RET: variants seen among roughly 807,000 people sequenced by gnomAD.
The protein encoded by RET is ret proto-oncogene.
RET carries 19 observed loss-of-function variants against 118.3 expected under a neutral mutation model. The ratio of observed to expected loss-of-function variants is 0.16; its 90% confidence interval spans 0.11 to 0.24. The LOEUF (loss-of-function observed/expected upper bound fraction) is 0.24, where lower values mean the gene tolerates loss of function less well. Among genes scored for constraint, RET ranks in the 10% least tolerant of loss-of-function variants. The pLI is 1.00. For missense variants in RET, 1,219 were observed against 1,502.1 expected (o/e 0.81, Z 3.12); for synonymous variants, 597 against 644.1 (o/e 0.93, Z 1.11).
chr10:43,105,000 C>T lies in RET; in HGVS notation c.674C>T (p.Thr225Met), dbSNP rs774670305. The T allele has an allele frequency of 8.2e-6, 13 of 1,589,742 alleles. No individual in the cohort carries two copies. Among genetic ancestry groups the T allele is most frequent in the Admixed American group, 1.7e-5 (1 of 57,938 alleles). The change falls in exon 4 of 20, where the codon ACG becomes ATG. Residue 225 changes from threonine to methionine, a missense_variant. Around this residue, in one of 5 missense-constraint regions of RET, gnomAD observed 850 missense variants for 969.6 expected, o/e 0.88. Coordinates refer to ENST00000355710, the MANE Select transcript of RET (RefSeq NM_020975.6). ...RCAPDSLEVSTRWALDREQRE... is the reference protein window; with the variant it reads ...RCAPDSLEVSMRWALDREQRE... ...GCCCCGGACAGCCTGGAGGTGAGCA[C>T]GCGCTGGGCCCTGGACCGCGAGCAG...
chr10:43,083,241 C>T (rs1564483192), intron 1 of RET, among the ~76,000 whole-genome samples: 1 of 152,206 alleles, frequency 6.6e-6, no homozygotes. Context: ...TGGCAGGTCA[C>T]ATACAGGATG....
intron 6 of RET, 85 bp from the exon 7 acceptor site, chr10:43,111,122 C>T: frequency 6.3e-7 from 1 of 1,592,268 alleles, no homozygotes; most frequent in Non-Finnish European, 8.5e-7. Flanking sequence ...TGTTCCAGGA[C>T]TTAGGCTGTG....
At chr10:43,119,508 G>C (rs1473415280) in intron 13 of RET, 23 bp from the exon 14 acceptor site, 1 of 1,578,946 alleles carries the variant, frequency 6.3e-7, no homozygotes, top group African/African-American at 1.4e-5. Context: ...CGCACGCCCA[G>C]GGCCCCCTCT....
At chr10:43,110,807 G>T (rs902107416) in intron 6 of RET, among the ~76,000 whole-genome samples, 1 of 152,204 alleles carries the variant, frequency 6.6e-6, no homozygotes, top group Non-Finnish European at 1.5e-5. Flanking sequence ...CACTGCTGGG[G>T]CAGCTGGGAG....
intron 15 of RET, among the ~76,000 whole-genome samples, chr10:43,121,460 A>T (rs1278725997): frequency 6.6e-6 from 1 of 152,146 alleles, no homozygotes; most frequent in Non-Finnish European, 1.5e-5. Context: ...AGATGCTAAA[A>T]GCACCCTGCA....
chr10:43,113,102 C>T (rs1210767685), intron 9 of RET, 139 bp downstream of exon 9: 5 of 766,232 alleles, frequency 6.5e-6, no homozygotes, highest in African/African-American at 1.7e-5. Context: ...TTCAGCATCA[C>T]CCTAGCCATG....
At chr10:43,113,101 A>G (rs566977684) in intron 9 of RET, 138 bp downstream of exon 9, 1 of 767,876 alleles carries the variant, frequency 1.3e-6, no homozygotes, top group Non-Finnish European at 2.3e-6. Flanking sequence ...TTTCAGCATC[A>G]CCCTAGCCAT....
intron 2 of RET, 43 bp from the exon 3 acceptor site, chr10:43,102,299 C>A (rs1419081989): frequency 6.2e-7 from 1 of 1,609,928 alleles, no homozygotes; most frequent in South Asian, 1.1e-5. Context: ...GACTGCCTGG[C>A]AGATGTGGCC....
Position 43,114,874 on chromosome 10 carries a change from A to C in RET, c.2136+138A>C. On this transcript the variant is annotated intron_variant, in intron 11 of 19. Coordinates refer to ENST00000355710, the MANE Select transcript of RET (RefSeq NM_020975.6). The surrounding 1 kb of genome is among the most constrained non-coding windows in gnomAD (Gnocchi z 4.6). The stretch of plus-strand genomic sequence containing the variant: ...CAGACGAGGCCTGTGTTCTGCCCCC[A>C]TTTCCATAGGGCGCTGTGTGGGGAC... The C allele has an allele frequency of 1.1e-6, 1 of 927,076 alleles. No individual in the cohort carries two copies. The highest frequency in any genetic ancestry group is 1.6e-6 in the Non-Finnish European group (1 of 631,484). The allele number at this position is 927,076 out of a possible 1,614,324, so 57.4% of individuals were successfully genotyped here.
At chr10:43,082,061 G>C (rs1384017870) in intron 1 of RET, among the ~76,000 whole-genome samples, 1 of 152,194 alleles carries the variant, frequency 6.6e-6, no homozygotes, top group Non-Finnish European at 1.5e-5. Flanking sequence ...GCAGCTGTGT[G>C]ATCATGGGGG....
intron 4 of RET, 130 bp downstream of exon 4, chr10:43,105,323 C>T: frequency 2.2e-6 from 3 of 1,384,046 alleles, no homozygotes; most frequent in Non-Finnish European, 3.0e-6. Context: ...TTGTCCTTCG[C>T]CTCCGTCTGC....
intron 1 of RET, among the ~76,000 whole-genome samples, chr10:43,095,512 C>T (rs11239880): frequency 0.02 from 3,008 of 152,138 alleles, 103 homozygotes; most frequent in African/African-American, 0.068. Flanking sequence ...GGTGTGTGCA[C>T]GCGCACATGT....
chr10:43,124,823 C>A (rs1424080400), intron 17 of RET, 60 bp from the exon 18 acceptor site: 2 of 1,535,878 alleles, frequency 1.3e-6, no homozygotes, highest in African/African-American at 2.7e-5. Flanking sequence ...CTGTGGTGGG[C>A]TGTCCTTCTG....
chr10:43,113,307 C>G (rs898764375), intron 9 of RET, among the ~76,000 whole-genome samples: 4 of 152,216 alleles, frequency 2.6e-5, no homozygotes, highest in Non-Finnish European at 5.9e-5. Context: ...CACCAGGCTC[C>G]AGTTTTGGAG....
chr10:43,123,939 G>A (rs1838275162), intron 17 of RET, 131 bp downstream of exon 17: 1 of 1,386,890 alleles, frequency 7.2e-7, no homozygotes, highest in Non-Finnish European at 1.0e-6. Flanking sequence ...GCAGGGCAGA[G>A]GTTAGAGAGC....
At chr10:43,104,242 T>C (rs1837706325) in intron 3 of RET, among the ~76,000 whole-genome samples, 1 of 151,866 alleles carries the variant, frequency 6.6e-6, no homozygotes, top group Non-Finnish European at 1.5e-5. Context: ...ATCGTGGCTT[T>C]CTCACGTTCT....
intron 7 of RET, 139 bp from the exon 8 acceptor site, chr10:43,111,960 C>A (rs146958674): frequency 8.0e-7 from 1 of 1,247,808 alleles, no homozygotes; most frequent in Non-Finnish European, 1.1e-6. Flanking sequence ...ACTGTCTTTG[C>A]TGCCCTGGGT....
intron 15 of RET, 98 bp from the exon 16 acceptor site, chr10:43,121,848 T>C (rs1838224888): frequency 1.1e-6 from 1 of 882,168 alleles, no homozygotes; most frequent in South Asian, 1.3e-5. Context: ...ACTCCTCTGG[T>C]TACTGAAAGC....
Position 43,128,218 on chromosome 10 carries a change from C to A in RET, c.3294C>A (p.Asn1098Lys), listed in dbSNP as rs1298393691. 1.2e-6 allele frequency: 2 copies of A among 1,614,184 alleles called. No homozygotes were observed. The highest frequency in any genetic ancestry group is 1.7e-6 in the Non-Finnish European group (2 of 1,180,028). The change falls in exon 20 of 20, where the codon AAC (asparagine) becomes AAA (lysine). Residue 1098 changes from asparagine (N) to lysine (K), a missense_variant. By Grantham distance (94) the Asn-to-Lys change is moderately conservative. Transcript: ENST00000355710. The part of the protein sequence containing the change: ...PRYPNDSVYA[N>K]WMLSPSAAKL... ...ATCCAAATGATAGTGTATATGCTAA[C>A]TGGATGCTTTCACCCTCAGCGGCAA...
Sources: gnomAD v4.1 joint callset for allele counts (sites outside exome capture counted in the v4.1 genomes callset) on GRCh38, gnomAD v4.1.1 for gene constraint, gnomAD v4.1.1 regional missense constraint, Gnocchi (gnomAD v3.1) non-coding constraint, MANE v1.5 for transcripts, NCBI Gene and HGNC (gene_info 2026-07-23, HGNC 2026-07-21) for gene names.